The following SV2C variants were observed in gnomAD, a reference collection of about 807,000 sequenced individuals.
The protein encoded by SV2C is solute carrier family 22 member B3.
In SV2C, 49 loss-of-function variants were observed where a neutral mutation model predicts 79.7. The observed-to-expected ratio is 0.61, with a 90% CI of 0.49 to 0.78. The LOEUF is 0.78. Ranked by LOEUF, SV2C falls within the 30% of genes least tolerant of loss-of-function variation. The pLI, the probability that SV2C is intolerant of heterozygous loss-of-function variation, is 0.00. For missense variants in SV2C, 833 were observed against 912.9 expected (o/e 0.91, Z 1.13); for synonymous variants, 334 against 333.2 (o/e 1.00, Z -0.03).
the SV2C span, chr5:75,921,404 T>C: frequency 1.2e-6 from 1 of 820,754 alleles, no homozygotes; most frequent in East Asian, 2.4e-5. Context: ...AAACTGCGCT[T>C]GGGGAAGCTC....
chr5:76,323,218 G>A (rs1201246622), intron 12 of SV2C, among the ~76,000 whole-genome samples: 1 of 151,986 alleles, frequency 6.6e-6, no homozygotes, highest in Non-Finnish European at 1.5e-5. Flanking sequence ...CATCAACAAG[G>A]GGGCAAAGGA....
At chr5:76,153,873 A>G (rs1048268206) in intron 2 of SV2C, among the ~76,000 whole-genome samples, 1 of 152,208 alleles carries the variant, frequency 6.6e-6, no homozygotes, top group Non-Finnish European at 1.5e-5. Flanking sequence ...CCACTCTGGA[A>G]CAAGGAAACA....
the SV2C span, among the ~76,000 whole-genome samples, chr5:75,879,695 T>C: frequency 2.6e-5 from 4 of 152,118 alleles, no homozygotes; most frequent in Non-Finnish European, 5.9e-5. Flanking sequence ...TGCCAGTGGA[T>C]CTATCATTCT....
the SV2C span, chr5:75,911,019 C>T: frequency 9.2e-7 from 1 of 1,084,640 alleles, no homozygotes; most frequent in Non-Finnish European, 1.4e-6. Context: ...ACTAGTCCCT[C>T]TACACTTTCC....
chr5:75,870,088 T>C, the SV2C span, among the ~76,000 whole-genome samples: 1 of 152,016 alleles, frequency 6.6e-6, no homozygotes, highest in Non-Finnish European at 1.5e-5. Context: ...AACTCTTCCA[T>C]GCCCAGACAC....
the SV2C span, among the ~76,000 whole-genome samples, chr5:76,039,374 G>A: frequency 2.0e-5 from 3 of 152,162 alleles, no homozygotes; most frequent in Admixed American, 2.0e-4. Context: ...GTAGTTTGCT[G>A]CCTTTAGTTG....
rs1185995668 is a variant in SV2C, at chr5:76,327,515, T to C, written c.*1968T>C. The C allele has an allele frequency of 2.0e-5, 3 of 152,240 alleles. No individual in the cohort carries two copies. The highest frequency in any genetic ancestry group is 6.5e-5 in the Admixed American group (1 of 15,288). The allele number at this position is 152,240 out of a possible 1,614,324, so 9.4% of individuals were successfully genotyped here. ...AACCCAAGAAAGTACCCTGTATGTTTTTCTTCTTCCACATGTACCCATTTT... is the reference window on the plus strand; with the variant it reads ...AACCCAAGAAAGTACCCTGTATGTTCTTCTTCTTCCACATGTACCCATTTT... On this transcript the variant is annotated 3_prime_UTR_variant, in exon 13 of 13. Coordinates refer to ENST00000502798, the MANE Select transcript of SV2C (RefSeq NM_014979.4).
intron 3 of SV2C, among the ~76,000 whole-genome samples, chr5:76,196,218 A>C (rs1744267852): frequency 1.3e-5 from 2 of 152,222 alleles, no homozygotes; most frequent in Non-Finnish European, 2.9e-5. Flanking sequence ...CATTCTGCAC[A>C]CAATGAGCAC....
the SV2C span, among the ~76,000 whole-genome samples, chr5:75,867,157 C>T: frequency 1.4e-4 from 21 of 152,212 alleles, no homozygotes; most frequent in African/African-American, 4.8e-4. Flanking sequence ...CTTAAGTCTC[C>T]TTGAGAGGAG....
chr5:76,285,804 G>A lies in SV2C; in HGVS notation c.1071G>A (p.Trp357Ter). 6.2e-7 allele frequency: 1 copy of A among 1,614,036 alleles called. No individual in the cohort carries two copies. The highest frequency in any genetic ancestry group is 8.5e-7 in the Non-Finnish European group (1 of 1,179,986). Residue 357 changes from tryptophan (W) to a stop codon, truncating the protein, a stop_gained, in exon 6 of 13, where the codon TGG becomes TGA. Coordinates refer to ENST00000502798, the MANE Select transcript of SV2C (RefSeq NM_014979.4). LOFTEE classifies it high-confidence loss of function. ...LLEVGKHDEA[W>*]MILKLIHDTN... ...AGGTTGGAAAACATGATGAAGCTTGGATGATTCTGAAGTTAATTCATGACA... is the reference window on the plus strand; with the variant it reads ...AGGTTGGAAAACATGATGAAGCTTGAATGATTCTGAAGTTAATTCATGACA...
rs555982133 is a variant in SV2C at position 76,232,991 on chromosome 5, T to C, written c.913+23104T>C. On this transcript the variant is annotated intron_variant, in intron 4 of 12. Transcript: ENST00000502798. ...TTCTGTGAAGAAAGTCATTGGTAGC[T>C]TGATGGGGATGGCATTGAATCTGTA... 5.0e-5 allele frequency among the ~76,000 whole-genome samples: 7 copies of C among 141,006 alleles called. No homozygotes were observed. In the East Asian group the frequency reaches 1.4e-3, roughly 27 times the overall value. The allele number at this position is 141,006 out of a possible 152,430, so 92.5% of individuals were successfully genotyped here. A position where few individuals can be genotyped will look rare whatever the true frequency, so the allele number is the denominator to read the frequency against.
chr5:75,993,061 T>G, the SV2C span, among the ~76,000 whole-genome samples: 540 of 152,222 alleles, frequency 3.5e-3, 3 homozygotes, highest in African/African-American at 0.012. Context: ...CTTTGTATCA[T>G]AAACTATACA....
At chr5:75,952,282 CCTTCCTTT>C in the SV2C span, among the ~76,000 whole-genome samples, 869 of 127,294 alleles carry the variant, frequency 6.8e-3, 5 homozygotes, top group African/African-American at 0.014. Context: ...TTCCTTCCTT[CCTTCCTTT>C]CTTCCTTCCT....
chr5:76,271,764 G>T (rs1234877484), intron 4 of SV2C, among the ~76,000 whole-genome samples: 1 of 152,054 alleles, frequency 6.6e-6, no homozygotes, highest in African/African-American at 2.4e-5. Context: ...ATCGCGCCCG[G>T]CGTATGTGCT....
At chr5:75,940,261 G>A in the SV2C span, among the ~76,000 whole-genome samples, 1 of 152,122 alleles carries the variant, frequency 6.6e-6, no homozygotes, top group Non-Finnish European at 1.5e-5. Context: ...CTACTTGGGA[G>A]GCTGATGTGG....
chr5:75,929,472 T>C, the SV2C span, among the ~76,000 whole-genome samples: 1 of 151,900 alleles, frequency 6.6e-6, no homozygotes, highest in Non-Finnish European at 1.5e-5. Context: ...TTATCATGAA[T>C]GTGCAAAGAG....
the SV2C span, among the ~76,000 whole-genome samples, chr5:76,016,270 A>AAAAAAAC: frequency 6.6e-6 from 1 of 151,096 alleles, no homozygotes; most frequent in African/African-American, 2.4e-5. Context: ...AAAAAAAAAA[A>AAAAAAAC]AGCTGTGCAA....
chr5:75,954,928 A>G, the SV2C span, among the ~76,000 whole-genome samples: 1 of 148,172 alleles, frequency 6.7e-6, no homozygotes, highest in Non-Finnish European at 1.5e-5. Flanking sequence ...TTCCATGCTC[A>G]TGGGTAGGAA....
At chr5:76,112,323 C>CACCAAAAGG (rs1279276091) in intron 1 of SV2C, among the ~76,000 whole-genome samples, 1 of 152,188 alleles carries the variant, frequency 6.6e-6, no homozygotes, top group African/African-American at 2.4e-5. Context: ...TTTGAAAGAA[C>CACCAAAAGG]ACCAAAAGGA....
Sources: allele counts gnomAD v4.1 joint callset (sites outside exome capture counted in the v4.1 genomes callset), GRCh38; gene constraint gnomAD v4.1.1; transcripts MANE v1.5; gene names NCBI Gene and HGNC (gene_info 2026-07-23, HGNC 2026-07-21).